FSTL5: variants seen among roughly 807,000 people sequenced by gnomAD.
The protein encoded by FSTL5 is follistatin like 5, also known as follistatin-related protein 5.
In FSTL5, 62 loss-of-function variants were observed where a neutral mutation model predicts 89.1. The ratio of observed to expected loss-of-function variants is 0.70; its 90% CI spans 0.57 to 0.86. FSTL5 has a LOEUF of 0.86. Among genes scored for constraint, FSTL5 ranks in the 40% least tolerant of loss-of-function variants. The pLI is 0.00. For synonymous variants in FSTL5, 383 were observed against 346.2 expected, an observed-to-expected ratio of 1.11 and a Z score of -1.18; for missense variants, 1,057 against 1,001.6, an observed-to-expected ratio of 1.06 and a Z score of -0.75.
intron 2 of FSTL5, among the ~76,000 whole-genome samples, chr4:162,097,271 T>A (rs1579024706): frequency 6.6e-6 from 1 of 151,154 alleles, no homozygotes; most frequent in East Asian, 1.9e-4. Flanking sequence ...GAATTTCCAT[T>A]TTTTTTTAGC....
chr4:161,467,433 A>G (rs1052301203), intron 13 of FSTL5, among the ~76,000 whole-genome samples: 7 of 152,142 alleles, frequency 4.6e-5, no homozygotes, highest in Non-Finnish European at 8.8e-5. Flanking sequence ...TACTTTTTAC[A>G]AAATTAACTT....
chr4:162,048,835 C>G (rs1264742481), intron 2 of FSTL5, among the ~76,000 whole-genome samples: 1 of 151,916 alleles, frequency 6.6e-6, no homozygotes, highest in African/African-American at 2.4e-5. Flanking sequence ...TTATGGGGTT[C>G]CAAATTAAAA....
intron 3 of FSTL5, among the ~76,000 whole-genome samples, chr4:161,997,693 C>G (rs1029265202): frequency 1.3e-5 from 2 of 151,454 alleles, no homozygotes; most frequent in East Asian, 1.9e-4. Flanking sequence ...CAAGCTCCGC[C>G]TCCCGGGTGC....
chr4:162,005,000 T>C (rs1159342440), intron 3 of FSTL5, among the ~76,000 whole-genome samples: 1 of 152,160 alleles, frequency 6.6e-6, no homozygotes, highest in Non-Finnish European at 1.5e-5. Flanking sequence ...TGTATTATCC[T>C]TATAAAATTT....
chr4:161,519,790 T>G (rs1429577335), intron 10 of FSTL5, among the ~76,000 whole-genome samples: 1 of 152,180 alleles, frequency 6.6e-6, no homozygotes, highest in Non-Finnish European at 1.5e-5. Context: ...GAAGAAACAT[T>G]GCCTTCTAAC....
intron 6 of FSTL5, among the ~76,000 whole-genome samples, chr4:161,679,922 A>G (rs1402043659): frequency 6.6e-6 from 1 of 151,830 alleles, no homozygotes; most frequent in Non-Finnish European, 1.5e-5. Context: ...ACAATATTAA[A>G]CTGAGTACAA....
chr4:161,497,306 T>C (rs945430247), intron 12 of FSTL5, among the ~76,000 whole-genome samples: 1 of 152,106 alleles, frequency 6.6e-6, no homozygotes, highest in African/African-American at 2.4e-5. Context: ...ATGTGGCATA[T>C]AATAATTACA....
chr4:161,516,979 C>T (rs757793632), intron 10 of FSTL5, among the ~76,000 whole-genome samples: 1 of 152,062 alleles, frequency 6.6e-6, no homozygotes, highest in Non-Finnish European at 1.5e-5. Context: ...ACACAACCTC[C>T]ACCTGTTCAA....
chr4:161,475,446 G>A (rs1257559291), intron 13 of FSTL5, among the ~76,000 whole-genome samples: 1 of 151,906 alleles, frequency 6.6e-6, no homozygotes, highest in Non-Finnish European at 1.5e-5. Flanking sequence ...CTCTTCAGTT[G>A]TTTTTCTTTC....
At chr4:161,913,309 A>C (rs1486452081) in intron 4 of FSTL5, among the ~76,000 whole-genome samples, 9 of 152,110 alleles carry the variant, frequency 5.9e-5, no homozygotes, top group Admixed American at 4.6e-4. Flanking sequence ...AGGCCCAGGA[A>C]GAAAAAGTGG....
At chr4:161,531,767 G>A (rs1731419120) in intron 10 of FSTL5, among the ~76,000 whole-genome samples, 1 of 152,052 alleles carries the variant, frequency 6.6e-6, no homozygotes, top group Non-Finnish European at 1.5e-5. Flanking sequence ...GCATAAAAAT[G>A]GATGCCCCTA....
rs1191418185 is a variant in FSTL5 at position 162,084,717 on chromosome 4, G to A, written c.126+26554C>T. Among the ~76,000 whole-genome samples, 2 of 152,098 alleles carry A rather than the reference G, an allele frequency of 1.3e-5. 1 individual carries two copies. The highest frequency in any genetic ancestry group is 3.9e-4 in the East Asian group (2 of 5,142). ...ATGTTCTCACTCATAAGTGAGAGTT[G>A]AAGAATGAGAACACATGGACACAGG... On this transcript the variant is annotated intron_variant, in intron 2 of 15. Transcript: ENST00000306100.
intron 6 of FSTL5, among the ~76,000 whole-genome samples, chr4:161,663,929 C>T (rs888162136): frequency 6.6e-6 from 1 of 152,212 alleles, no homozygotes; most frequent in Non-Finnish European, 1.5e-5. Flanking sequence ...CTCAACACCA[C>T]GTGGAAACTG....
chr4:161,767,845 TATC>T (rs1165783271), intron 5 of FSTL5, among the ~76,000 whole-genome samples: 1 of 152,014 alleles, frequency 6.6e-6, no homozygotes, highest in Non-Finnish European at 1.5e-5. Flanking sequence ...AGAATCAAAT[TATC>T]ATCTATGCAT....
intron 15 of FSTL5, among the ~76,000 whole-genome samples, chr4:161,431,708 T>A (rs1162232345): frequency 5.9e-5 from 9 of 152,184 alleles, no homozygotes; most frequent in African/African-American, 2.2e-4. Context: ...AACAATCTAT[T>A]ACCTACAAGA....
chr4:161,823,520 C>T (rs1730562135), intron 4 of FSTL5, among the ~76,000 whole-genome samples: 1 of 152,174 alleles, frequency 6.6e-6, no homozygotes, highest in African/African-American at 2.4e-5. Flanking sequence ...CAGGTGCTGG[C>T]AATGGGGAGA....
intron 3 of FSTL5, among the ~76,000 whole-genome samples, chr4:161,977,663 T>TAATAAC (rs1735702487): frequency 2.3e-5 from 3 of 132,742 alleles, no homozygotes; most frequent in Admixed American, 2.2e-4. Flanking sequence ...ATAATAATAA[T>TAATAAC]AATAAATTAT....
chr4:161,636,566 C>G lies in FSTL5; in HGVS notation c.894+19762G>C, dbSNP rs370212930. ...CATGCTGGTGCGCTGCACGCACTAA[C>G]TCGTCATCTAGCATTAGGTATATCT... On this transcript the variant is annotated intron_variant, in intron 7 of 15. Transcript: ENST00000306100. Among the ~76,000 whole-genome samples the G allele has an allele frequency of 2.7e-5, 4 of 148,590 alleles. No individual in the cohort carries two copies. The East Asian group carries it at 8.2e-4, about 30-fold the overall frequency.
At chr4:162,062,961 T>C (rs1738771096) in intron 2 of FSTL5, among the ~76,000 whole-genome samples, 1 of 151,756 alleles carries the variant, frequency 6.6e-6, no homozygotes, top group African/African-American at 2.4e-5. Context: ...TAGGTTCAAA[T>C]AATTCATTTA....
Sources: allele counts gnomAD v4.1 joint callset (sites outside exome capture counted in the v4.1 genomes callset), GRCh38; gene constraint gnomAD v4.1.1; transcripts MANE v1.5; gene names NCBI Gene and HGNC (gene_info 2026-07-23, HGNC 2026-07-21).